The following MYO5A variants were observed in gnomAD, a reference collection of about 807,000 sequenced individuals.
The protein encoded by MYO5A is unconventional myosin-Va.
MYO5A carries 98 observed loss-of-function variants against 249.7 expected under a neutral mutation model. That is an observed-to-expected ratio of 0.39 (90% CI 0.33 to 0.46). The LOEUF is 0.46. Among genes scored for constraint, MYO5A ranks in the 20% least tolerant of loss-of-function variants. The pLI, the probability that MYO5A is intolerant of heterozygous loss-of-function variation, is 0.98. For missense variants in MYO5A, 1,696 were observed against 2,308.8 expected, an observed-to-expected ratio of 0.73 and a Z score of 5.44; for synonymous variants, 778 against 810.6, an observed-to-expected ratio of 0.96 and a Z score of 0.68.
At chr15:52,383,241 T>C in intron 15 of MYO5A, 53 bp from the exon 16 acceptor site, 1 of 1,428,514 alleles carries the variant, frequency 7.0e-7, no homozygotes, top group Non-Finnish European at 9.9e-7. Context: ...AAGTCAAAGG[T>C]GAGGTAAAAC....
At chr15:52,462,877 AT>A (rs1277840477) in intron 1 of MYO5A, among the ~76,000 whole-genome samples, 1 of 151,952 alleles carries the variant, frequency 6.6e-6, no homozygotes, top group Non-Finnish European at 1.5e-5. Flanking sequence ...TGAAATTCTC[AT>A]TCAGTAATTT....
At chr15:52,382,746 A>G (rs536838196) in intron 16 of MYO5A, among the ~76,000 whole-genome samples, 10 of 152,348 alleles carry the variant, frequency 6.6e-5, no homozygotes, top group South Asian at 2.1e-4. Flanking sequence ...GCATTCGCCA[A>G]ACAGCCTTAT....
At chr15:52,410,696 C>T (rs1462793114) in intron 5 of MYO5A, among the ~76,000 whole-genome samples, 1 of 151,234 alleles carries the variant, frequency 6.6e-6, no homozygotes, top group African/African-American at 2.4e-5. Context: ...AAGTGATTCT[C>T]CTGCCTCAGC....
intron 1 of MYO5A, among the ~76,000 whole-genome samples, chr15:52,519,891 C>T (rs1024900618): frequency 2.6e-5 from 4 of 151,848 alleles, no homozygotes; most frequent in Non-Finnish European, 4.4e-5. Flanking sequence ...CCACCACGCC[C>T]GGCTAATTTT....
In MYO5A at chr15:52,397,284, A is replaced by G; in HGVS notation, c.1236T>C (p.Phe412=). 6.2e-7 allele frequency: 1 copy of G among 1,614,148 alleles called. No homozygotes were observed. The highest frequency in any genetic ancestry group is 1.6e-4 in the Middle Eastern group (1 of 6,062). Residue 412 remains phenylalanine (F), a synonymous_variant, in exon 10 of 42, where the codon TTT becomes TTC. Coordinates refer to ENST00000399233, the MANE Select transcript of MYO5A (RefSeq NM_001382347.1). ...ALAKHIYAKL[F]NWIVDNVNQA... is the part of the protein sequence containing the mutation. ...GATTGACATTATCTACAATCCAGTT[A>G]AAGAGCTTGGCATAGATGTGCTTGG...
At chr15:52,325,011 AT>A (rs1331987442) in intron 36 of MYO5A, among the ~76,000 whole-genome samples, 4 of 152,214 alleles carry the variant, frequency 2.6e-5, no homozygotes, top group Non-Finnish European at 4.4e-5. Context: ...AGTAAATACA[AT>A]TTTATTACTT....
chr15:52,420,073 A>G (rs1413022700), intron 4 of MYO5A, among the ~76,000 whole-genome samples: 1 of 152,150 alleles, frequency 6.6e-6, no homozygotes, highest in African/African-American at 2.4e-5. Flanking sequence ...TGGGAAGGTG[A>G]GGCAGGAGGA....
intron 11 of MYO5A, 59 bp from the exon 12 acceptor site, chr15:52,392,129 C>T: frequency 6.7e-7 from 1 of 1,491,772 alleles, no homozygotes; most frequent in Admixed American, 1.7e-5. Context: ...AGAATGTAGT[C>T]AAGATGATAC....
chr15:52,477,291 G>A (rs376995380), intron 1 of MYO5A, among the ~76,000 whole-genome samples: 1 of 152,108 alleles, frequency 6.6e-6, no homozygotes, highest in Non-Finnish European at 1.5e-5. Flanking sequence ...TTAGCCATTC[G>A]TCCAATCTTT....
intron 3 of MYO5A, among the ~76,000 whole-genome samples, chr15:52,426,596 G>A (rs1383725827): frequency 6.6e-6 from 1 of 152,046 alleles, no homozygotes; most frequent in Non-Finnish European, 1.5e-5. Context: ...CCAGGTAGCT[G>A]GGACTATGGA....
intron 8 of MYO5A, among the ~76,000 whole-genome samples, chr15:52,406,453 T>TGCATATAATCTGCATATGC (rs2043007096): frequency 6.6e-6 from 1 of 152,160 alleles, no homozygotes; most frequent in African/African-American, 2.4e-5. Context: ...GAATCACCAA[T>TGCATATAATCTGCATATGC]AGATTTTGAT....
intron 1 of MYO5A, chr15:52,435,631 T>C (rs1335476734): frequency 8.8e-6 from 4 of 454,846 alleles, no homozygotes; most frequent in African/African-American, 4.0e-5. Flanking sequence ...GGGAAGCTGC[T>C]GTGGTATATT....
chr15:52,422,737 G>A (rs536679892), intron 4 of MYO5A, among the ~76,000 whole-genome samples: 3 of 152,164 alleles, frequency 2.0e-5, no homozygotes, highest in African/African-American at 7.2e-5. Context: ...TGTTTTTGTA[G>A]ATAGGGTCTT....
intron 4 of MYO5A, among the ~76,000 whole-genome samples, chr15:52,424,142 GA>G (rs1368262206): frequency 6.6e-6 from 1 of 151,968 alleles, no homozygotes; most frequent in Non-Finnish European, 1.5e-5. Context: ...CAACTTAAGG[GA>G]AAAAAATCAT....
rs561478188 is a variant in MYO5A, at chr15:52,337,746, T to C, written c.4314+64A>G. On this transcript the variant is annotated intron_variant, in intron 33 of 41. Coordinates refer to ENST00000399233, the MANE Select transcript of MYO5A (RefSeq NM_001382347.1). ...GGAGGGGGCAGGCAGCAGTGTGCTCTTCAGTTACAGAGGGCTATAAGTAGC... is the reference window on the plus strand; with the variant it reads ...GGAGGGGGCAGGCAGCAGTGTGCTCCTCAGTTACAGAGGGCTATAAGTAGC... 25 of 1,235,884 alleles carry C rather than the reference T, an allele frequency of 2.0e-5. No homozygotes were observed. In the South Asian group the frequency reaches 3.5e-4, roughly 17 times the overall value. The allele number at this position is 1,235,884 out of a possible 1,614,324, so 76.6% of individuals were successfully genotyped here.
At chr15:52,477,065 C>T (rs2076610662) in intron 1 of MYO5A, among the ~76,000 whole-genome samples, 1 of 152,200 alleles carries the variant, frequency 6.6e-6, no homozygotes, top group South Asian at 2.1e-4. Flanking sequence ...CACATAGTCC[C>T]ATATTTCTTG....
chr15:52,428,329 A>AT, intron 3 of MYO5A, 69 bp downstream of exon 3: 1 of 1,492,450 alleles, frequency 6.7e-7, no homozygotes, highest in South Asian at 1.1e-5. Context: ...CCCCATGTAC[A>AT]ATATTTCTAT....
chr15:52,380,867 C>T (rs2041705274), intron 16 of MYO5A, among the ~76,000 whole-genome samples: 1 of 152,188 alleles, frequency 6.6e-6, no homozygotes, highest in African/African-American at 2.4e-5. Flanking sequence ...GCTCAGTATA[C>T]AGAGCTCCCC....
At chr15:52,471,679 C>G (rs2141453359) in intron 1 of MYO5A, among the ~76,000 whole-genome samples, 1 of 151,998 alleles carries the variant, frequency 6.6e-6, no homozygotes, top group Non-Finnish European at 1.5e-5. Context: ...ATCCTTTCTC[C>G]TCAATGATTT....
Sources: gnomAD v4.1 joint callset for allele counts (sites outside exome capture counted in the v4.1 genomes callset) on GRCh38, gnomAD v4.1.1 for gene constraint, MANE v1.5 for transcripts, NCBI Gene and HGNC (gene_info 2026-07-23, HGNC 2026-07-21) for gene names.